The following BDH2 variants were observed in gnomAD, a reference collection of about 807,000 sequenced individuals.
BDH2 encodes 3-hydroxybutyrate dehydrogenase 2, also known as dehydrogenase/reductase SDR family member 6.
In BDH2, 24 loss-of-function variants were observed where a neutral mutation model predicts 33.2. The ratio of observed to expected loss-of-function variants is 0.72; its 90% CI spans 0.52 to 1.02. The LOEUF (loss-of-function observed/expected upper bound fraction) is 1.02, where lower values mean the gene tolerates loss of function less well. BDH2 is among the 50% of genes least tolerant of loss of function. The probability of loss-of-function intolerance (pLI) is 0.00; values close to 1 mark genes in which losing one functional copy is unlikely to be tolerated. For synonymous variants in BDH2, 81 were observed against 101.6 expected (o/e 0.80, Z 1.22); for missense variants, 249 against 301.6 (o/e 0.83, Z 1.29).
chr4:103,077,946 T>A lies in BDH2; in HGVS notation c.*1756A>T, dbSNP rs1167667285. On this transcript the variant is annotated 3_prime_UTR_variant, in exon 10 of 10. Transcript: ENST00000296424. ...ATAATCTTATAATCAATGGACTCTT[T>A]CTGAATGCTAGTCAAAATGTCCTTT... Among the ~76,000 whole-genome samples, 3 of 152,198 alleles carry A rather than the reference T, an allele frequency of 2.0e-5. No individual in the cohort carries two copies. Among genetic ancestry groups the A allele is most frequent in the African/African-American group, 7.2e-5 (3 of 41,456 alleles).
chr4:103,086,651 T>C lies in BDH2; in HGVS notation c.358-111A>G. The C allele has an allele frequency of 4.5e-6, 6 of 1,335,880 alleles. No individual in the cohort carries two copies. In the South Asian group the frequency reaches 8.4e-5, roughly 19 times the overall value. 82.8% of individuals were successfully genotyped at this position (1,335,880 alleles called of 1,614,324 possible). ...GGGTTTGCAGAATGAATTTAATTACTGTATTAGCTAGTCACATTAAGCACT... is the reference window on the plus strand; with the variant it reads ...GGGTTTGCAGAATGAATTTAATTACCGTATTAGCTAGTCACATTAAGCACT... On this transcript the variant is annotated intron_variant, in intron 5 of 9. Transcript: ENST00000296424.
At position 103,079,010 on chromosome 4, in the gene BDH2, CT is replaced by C. The variant is rs1034090010; in HGVS notation, c.*691del. Among the ~76,000 whole-genome samples the C allele has an allele frequency of 5.9e-5, 9 of 152,244 alleles. No homozygotes were observed. The highest frequency in any genetic ancestry group is 2.2e-4 in the African/African-American group (9 of 41,550). Reference sequence around the variant, plus strand: ...TACTATCTTCTTCCTTAACCCCCATCTCCCCCACAAAAAAACAAAAACTTCC... The same window carrying C: ...TACTATCTTCTTCCTTAACCCCCATCCCCCCACAAAAAAACAAAAACTTCC... On this transcript the variant is annotated 3_prime_UTR_variant, in exon 10 of 10. Coordinates refer to ENST00000296424, the MANE Select transcript of BDH2 (RefSeq NM_020139.4).
At chr4:103,087,628 C>T (rs1747859129) in intron 5 of BDH2, among the ~76,000 whole-genome samples, 1 of 152,144 alleles carries the variant, frequency 6.6e-6, no homozygotes, top group East Asian at 1.9e-4. Flanking sequence ...GTTTTGTCCT[C>T]CTAGACAGTG....
At chr4:103,083,764 G>A (rs909322980) in intron 7 of BDH2, among the ~76,000 whole-genome samples, 1 of 152,122 alleles carries the variant, frequency 6.6e-6, no homozygotes, top group African/African-American at 2.4e-5. Flanking sequence ...CTTAGATCAT[G>A]TTCCTGAGAG....
intron 5 of BDH2, 123 bp downstream of exon 5, chr4:103,091,054 C>A: frequency 1.7e-6 from 1 of 588,736 alleles, no homozygotes. Context: ...TATAAATGTT[C>A]AATGCAAGTT....
At position 103,079,220 on chromosome 4, in the gene BDH2, A is replaced by G. The variant is rs1747395020; in HGVS notation, c.*482T>C. The stretch of plus-strand genomic sequence containing the variant: ...GATTAGTGTCCTTATAAAAAGACAC[A>G]TGAGCGCTCGCTTTTTTTCTCTGCT... On this transcript the variant is annotated 3_prime_UTR_variant, in exon 10 of 10. Coordinates refer to ENST00000296424, the MANE Select transcript of BDH2 (RefSeq NM_020139.4). Among the ~76,000 whole-genome samples the G allele has an allele frequency of 6.6e-6, 1 of 152,164 alleles. No homozygotes were observed. The highest frequency in any genetic ancestry group is 6.5e-5 in the Admixed American group (1 of 15,272).
At chr4:103,089,680 GCAAC>G (rs1747979309) in intron 5 of BDH2, among the ~76,000 whole-genome samples, 1 of 152,064 alleles carries the variant, frequency 6.6e-6, no homozygotes, top group Non-Finnish European at 1.5e-5. Flanking sequence ...TCATGCATGT[GCAAC>G]AGTCTTACCC....
intron 7 of BDH2, among the ~76,000 whole-genome samples, chr4:103,084,116 C>T (rs1178908982): frequency 6.6e-6 from 1 of 152,186 alleles, no homozygotes; most frequent in Non-Finnish European, 1.5e-5. Context: ...CCTCAATAGC[C>T]TCCTTAAAGT....
At chr4:103,085,266 A>C (rs1434986588) in intron 7 of BDH2, 83 bp downstream of exon 7, 1 of 1,023,686 alleles carries the variant, frequency 9.8e-7, no homozygotes, top group Non-Finnish European at 1.5e-6. Context: ...GCATGAAAAC[A>C]GCCATAGGCA....
chr4:103,089,979 G>A (rs1747999113), intron 5 of BDH2, among the ~76,000 whole-genome samples: 2 of 152,088 alleles, frequency 1.3e-5, no homozygotes, highest in Non-Finnish European at 2.9e-5. Flanking sequence ...TCCTGTTAAT[G>A]TTCATCTGGA....
intron 2 of BDH2, 56 bp downstream of exon 2, chr4:103,096,127 A>G (rs746080903): frequency 7.6e-7 from 1 of 1,316,810 alleles, no homozygotes; most frequent in Non-Finnish European, 1.1e-6. Context: ...AGTCCACATA[A>G]TTCAATATGT....
chr4:103,085,764 A>G (rs1653087537), intron 6 of BDH2: 1 of 1,339,226 alleles, frequency 7.5e-7, no homozygotes, highest in Non-Finnish European at 9.8e-7. Flanking sequence ...TCCAAAAGAA[A>G]ATGAAGATTA....
intron 6 of BDH2, 116 bp from the exon 7 acceptor site, chr4:103,085,578 C>T (rs1226062210): frequency 9.8e-6 from 14 of 1,424,196 alleles, no homozygotes; most frequent in East Asian, 2.5e-5. Flanking sequence ...CCACATTCCT[C>T]CCCTTTTAAA....
chr4:103,084,683 G>A (rs993275030), intron 7 of BDH2, among the ~76,000 whole-genome samples: 2 of 152,136 alleles, frequency 1.3e-5, no homozygotes, highest in African/African-American at 4.8e-5. Context: ...TTACATTTCT[G>A]TTCCAAGAAA....
intron 1 of BDH2, among the ~76,000 whole-genome samples, chr4:103,096,512 C>CT (rs1748413528): frequency 6.7e-6 from 1 of 149,952 alleles, no homozygotes; most frequent in African/African-American, 2.5e-5. Context: ...GAAGTAATGA[C>CT]TGGTGACAGA....
At chr4:103,087,495 A>G (rs1747851644) in intron 5 of BDH2, among the ~76,000 whole-genome samples, 1 of 152,276 alleles carries the variant, frequency 6.6e-6, no homozygotes, top group South Asian at 2.1e-4. Flanking sequence ...GATGGGCAGG[A>G]CCTTGTAGAT....
chr4:103,086,966 C>T (rs1394719545), intron 5 of BDH2, among the ~76,000 whole-genome samples: 1 of 152,178 alleles, frequency 6.6e-6, no homozygotes. Flanking sequence ...CAGGAGGCAA[C>T]CAGTCTGGTT....
At chr4:103,092,520 G>A in intron 4 of BDH2, 80 bp downstream of exon 4, 1 of 905,602 alleles carries the variant, frequency 1.1e-6, no homozygotes, top group Non-Finnish European at 1.8e-6. Flanking sequence ...GAATGATTTT[G>A]CCACATTATG....
intron 4 of BDH2, chr4:103,091,655 G>C (rs1748098368): frequency 2.2e-6 from 1 of 451,470 alleles, no homozygotes; most frequent in African/African-American, 2.0e-5. Context: ...TGAGGCAAGA[G>C]GACCACTTGA....
Sources: gnomAD v4.1 joint callset for allele counts (sites outside exome capture counted in the v4.1 genomes callset) on GRCh38, gnomAD v4.1.1 for gene constraint, MANE v1.5 for transcripts, NCBI Gene and HGNC (gene_info 2026-07-23, HGNC 2026-07-21) for gene names.